The following ILRUN variants were observed in gnomAD, a reference collection of about 807,000 sequenced individuals.
The protein encoded by ILRUN is inflammation and lipid regulator with UBA-like and NBR1-like domains.
Under a neutral mutation model 33.8 loss-of-function variants are expected in ILRUN, and 3 were observed. The observed-to-expected ratio is 0.09, with a 90% CI of 0.04 to 0.23. The LOEUF (loss-of-function observed/expected upper bound fraction) is 0.23, where lower values mean the gene tolerates loss of function less well. Ranked by LOEUF, ILRUN falls within the 10% of genes least tolerant of loss-of-function variation. The pLI is 1.00. For missense variants in ILRUN, 210 were observed against 375.1 expected, an observed-to-expected ratio of 0.56 and a Z score of 3.64; for synonymous variants, 124 against 138.9, an observed-to-expected ratio of 0.89 and a Z score of 0.75.
intron 1 of ILRUN, among the ~76,000 whole-genome samples, chr6:34,674,122 G>A (rs912290017): frequency 1.3e-5 from 2 of 152,152 alleles, no homozygotes; most frequent in Non-Finnish European, 2.9e-5. Context: ...CCGCCTCCGG[G>A]TTCAAGCAAT....
chr6:34,606,389 G>A (rs572409488), intron 4 of ILRUN, among the ~76,000 whole-genome samples, 166 bp downstream of exon 4: 22 of 152,124 alleles, frequency 1.4e-4, no homozygotes, highest in Non-Finnish European at 2.6e-4. Flanking sequence ...CTGGGGAAAC[G>A]GGAGAAGGGG....
chr6:34,650,858 G>A (rs189905391), intron 2 of ILRUN, among the ~76,000 whole-genome samples: 1 of 152,264 alleles, frequency 6.6e-6, no homozygotes. Flanking sequence ...ATATTTGCAT[G>A]CCCAGCACGC....
chr6:34,651,902 T>G (rs759074134), intron 2 of ILRUN, among the ~76,000 whole-genome samples: 22 of 151,604 alleles, frequency 1.5e-4, no homozygotes, highest in Non-Finnish European at 2.8e-4. Context: ...AAGTGATTCT[T>G]GTGCCTCAGC....
At chr6:34,692,639 GA>G (rs1200179544) in intron 1 of ILRUN, among the ~76,000 whole-genome samples, 1 of 150,968 alleles carries the variant, frequency 6.6e-6, no homozygotes, top group African/African-American at 2.4e-5. Context: ...ATGTTTGTTT[GA>G]AAAAAAAATA....
At chr6:34,692,384 G>A (rs914409816) in intron 1 of ILRUN, among the ~76,000 whole-genome samples, 1 of 152,190 alleles carries the variant, frequency 6.6e-6, no homozygotes, top group South Asian at 2.1e-4. Context: ...CACTTATGAA[G>A]TCATAGGAAG....
At chr6:34,601,890 G>A (rs1230579951) in intron 4 of ILRUN, among the ~76,000 whole-genome samples, 1 of 152,024 alleles carries the variant, frequency 6.6e-6, no homozygotes, top group African/African-American at 2.4e-5. Flanking sequence ...AGAGGAAAGG[G>A]GTGGGGGTGG....
At chr6:34,667,454 C>A (rs1046696705) in intron 1 of ILRUN, among the ~76,000 whole-genome samples, 17 of 152,054 alleles carry the variant, frequency 1.1e-4, no homozygotes, top group Admixed American at 7.2e-4. Flanking sequence ...AATTAGATAA[C>A]AACCTTTTTG....
intron 3 of ILRUN, among the ~76,000 whole-genome samples, chr6:34,624,002 T>C (rs9469822): frequency 0.18 from 26,728 of 152,036 alleles, 2,904 homozygotes; most frequent in African/African-American, 0.3. Context: ...CAGCTAATTT[T>C]TGTATTTTTA....
chr6:34,675,794 G>A (rs1763216615), intron 1 of ILRUN, among the ~76,000 whole-genome samples: 1 of 152,006 alleles, frequency 6.6e-6, no homozygotes, highest in Admixed American at 6.6e-5. Context: ...GAGGTAGAGA[G>A]GAAAATACAC....
chr6:34,666,864 C>A (rs1412930596), intron 1 of ILRUN, among the ~76,000 whole-genome samples: 4 of 152,198 alleles, frequency 2.6e-5, no homozygotes, highest in African/African-American at 9.6e-5. Context: ...GCAACCAACT[C>A]TTCAGATGAT....
chr6:34,593,906 G>A (rs911907236), intron 4 of ILRUN, among the ~76,000 whole-genome samples: 2 of 152,086 alleles, frequency 1.3e-5, no homozygotes, highest in South Asian at 2.1e-4. Context: ...CAGCTTGTCT[G>A]GGGAGTCCTA....
chr6:34,667,629 A>T (rs987014147), intron 1 of ILRUN, among the ~76,000 whole-genome samples: 1 of 152,216 alleles, frequency 6.6e-6, no homozygotes, highest in Admixed American at 6.5e-5. Context: ...TCTTAACCAA[A>T]TATTCAATTT....
At position 34,676,886 on chromosome 6, in the gene ILRUN, T is replaced by C. The variant is rs796556596; in HGVS notation, c.158+19560A>G. ...TTAAAATTAATTGGTACATACTTCT[T>C]GGGGGCAATCTGGCAATGTTTATCA... On this transcript the variant is annotated intron_variant, in intron 1 of 4. Coordinates refer to ENST00000374023, the MANE Select transcript of ILRUN (RefSeq NM_024294.4). 7.9e-5 allele frequency among the ~76,000 whole-genome samples: 12 copies of C among 152,052 alleles called. 1 individual carries two copies. Among genetic ancestry groups the C allele is most frequent in the African/African-American group, 2.9e-4 (12 of 41,480 alleles).
At chr6:34,647,620 A>G (rs1484993186) in intron 2 of ILRUN, among the ~76,000 whole-genome samples, 1 of 152,074 alleles carries the variant, frequency 6.6e-6, no homozygotes, top group Non-Finnish European at 1.5e-5. Flanking sequence ...AGTACAATGA[A>G]TGGTACAATC....
intron 3 of ILRUN, among the ~76,000 whole-genome samples, chr6:34,642,852 G>C (rs1279592562): frequency 7.6e-6 from 1 of 131,534 alleles, no homozygotes; most frequent in African/African-American, 3.0e-5. Flanking sequence ...AAAAAAAAAG[G>C]CATGATGGCA....
At chr6:34,596,495 T>C (rs915868835) in intron 4 of ILRUN, among the ~76,000 whole-genome samples, 1 of 152,158 alleles carries the variant, frequency 6.6e-6, no homozygotes, top group Non-Finnish European at 1.5e-5. Flanking sequence ...GTATTTTTAG[T>C]AGAGATGGGA....
At chr6:34,672,497 T>A (rs1401568811) in intron 1 of ILRUN, among the ~76,000 whole-genome samples, 1 of 152,090 alleles carries the variant, frequency 6.6e-6, no homozygotes, top group Non-Finnish European at 1.5e-5. Flanking sequence ...GAGGATCTCA[T>A]GAGCCCAGGA....
At chr6:34,696,267 G>T in intron 1 of ILRUN, 179 bp downstream of exon 1, 1 of 638,876 alleles carries the variant, frequency 1.6e-6, no homozygotes, top group Non-Finnish European at 2.6e-6. Context: ...CTTTAGCCCT[G>T]CTCAGCCCCC....
chr6:34,602,510 G>A (rs1761530978), intron 4 of ILRUN, among the ~76,000 whole-genome samples: 1 of 152,162 alleles, frequency 6.6e-6, no homozygotes, highest in Non-Finnish European at 1.5e-5. Context: ...ATGAGTCAGA[G>A]TGCTAGAATT....
Sources: allele counts gnomAD v4.1 joint callset (sites outside exome capture counted in the v4.1 genomes callset), GRCh38; gene constraint gnomAD v4.1.1; transcripts MANE v1.5; gene names NCBI Gene and HGNC (gene_info 2026-07-23, HGNC 2026-07-21).